Variants in SPAG17 observed in about 807,000 individuals in gnomAD.
The protein encoded by SPAG17 is sperm associated antigen 17, also known as sperm-associated antigen 17.
SPAG17 carries 169 observed loss-of-function variants against 273.6 expected under a neutral mutation model. The ratio of observed to expected loss-of-function variants is 0.62; its 90% CI spans 0.55 to 0.70. The LOEUF (loss-of-function observed/expected upper bound fraction) is 0.70. SPAG17 is among the 30% of genes least tolerant of loss of function. SPAG17 has a pLI of 0.00. For missense variants in SPAG17, 2,557 were observed against 2,627.8 expected, an observed-to-expected ratio of 0.97 and a Z score of 0.59; for synonymous variants, 825 against 873.2, an observed-to-expected ratio of 0.94 and a Z score of 0.97.
At chr1:117,969,579 A>AAAAT (rs893749892) in intron 46 of SPAG17, among the ~76,000 whole-genome samples, 15 of 151,926 alleles carry the variant, frequency 9.9e-5, no homozygotes, top group Middle Eastern at 3.2e-3. Context: ...GCTCTGTCTC[A>AAAAT]AAATAAATAA....
At chr1:118,021,290 A>C (rs1660472335) in intron 28 of SPAG17, among the ~76,000 whole-genome samples, 1 of 152,212 alleles carries the variant, frequency 6.6e-6, no homozygotes, top group Non-Finnish European at 1.5e-5. Flanking sequence ...TAAGTGAAAG[A>C]ACCTGGTCTA....
intron 22 of SPAG17, among the ~76,000 whole-genome samples, chr1:118,040,411 C>T (rs1313641313): frequency 6.6e-6 from 1 of 152,076 alleles, no homozygotes; most frequent in Non-Finnish European, 1.5e-5. Context: ...ACAAGGTGTG[C>T]TGTAATGAAT....
At chr1:118,016,249 C>G in intron 28 of SPAG17, 67 bp from the exon 29 acceptor site, 6 of 1,294,644 alleles carry the variant, frequency 4.6e-6, no homozygotes, top group Non-Finnish European at 6.6e-6. Flanking sequence ...ACATCATTCA[C>G]TATGTTTTGA....
intron 43 of SPAG17, among the ~76,000 whole-genome samples, chr1:117,973,797 T>A (rs372722339): frequency 1.3e-5 from 2 of 152,172 alleles, no homozygotes; most frequent in Non-Finnish European, 2.9e-5. Context: ...TAGTATGCGA[T>A]AGGACATTTT....
intron 32 of SPAG17, among the ~76,000 whole-genome samples, chr1:118,001,109 T>C (rs1372123129): frequency 6.6e-6 from 1 of 152,224 alleles, no homozygotes; most frequent in Non-Finnish European, 1.5e-5. Flanking sequence ...GTTCTGTTTA[T>C]GTGATGGATT....
chr1:118,053,880 GA>G (rs1651348728), intron 20 of SPAG17, 121 bp downstream of exon 20: 2 of 632,818 alleles, frequency 3.2e-6, no homozygotes, highest in Non-Finnish European at 5.5e-6. Flanking sequence ...CAGCTTCCAG[GA>G]AGCCATCTTC....
intron 9 of SPAG17, 26 bp from the exon 10 acceptor site, chr1:118,091,744 C>G (rs1174982922): frequency 6.8e-7 from 1 of 1,467,064 alleles, no homozygotes; most frequent in African/African-American, 1.4e-5. Flanking sequence ...AATACCATTG[C>G]CCAATTAAGT....
Position 118,086,734 on chromosome 1 carries a change from C to A in SPAG17, c.1548G>T (p.Val516=), listed in dbSNP as rs1655024413. 1 of 1,614,014 alleles carries A rather than the reference C, an allele frequency of 6.2e-7. No individual in the cohort carries two copies. The highest frequency in any genetic ancestry group is 8.5e-7 in the Non-Finnish European group (1 of 1,180,018). The change falls in exon 12 of 49, where the codon GTG becomes GTT. Residue 516 remains valine (V), a synonymous_variant. Coordinates refer to ENST00000336338, the MANE Select transcript of SPAG17 (RefSeq NM_206996.4). ...AGTTCAGTAGGAGGGGGCCTTTGGG[C>A]ACTGCTTTGCTTTCATTTTCTTCTT... The part of the protein sequence containing the change: ...LSEEENESKA[V]PKGPLLLNYH...
intron 4 of SPAG17, 109 bp downstream of exon 4, chr1:118,115,201 G>A (rs1657000993): frequency 7.6e-7 from 1 of 1,321,078 alleles, no homozygotes; most frequent in Non-Finnish European, 1.1e-6. Flanking sequence ...AATTTGCCAG[G>A]TAACACTTAA....
chr1:118,039,903 G>C (rs1023482620), intron 22 of SPAG17, among the ~76,000 whole-genome samples: 12 of 152,072 alleles, frequency 7.9e-5, no homozygotes, highest in Non-Finnish European at 1.3e-4. Context: ...ATGAATGGCA[G>C]GTAGACCAAG....
At chr1:118,121,327 G>C (rs1211848453) in intron 3 of SPAG17, among the ~76,000 whole-genome samples, 1 of 152,128 alleles carries the variant, frequency 6.6e-6, no homozygotes, top group Admixed American at 6.5e-5. Flanking sequence ...CTATCTATGC[G>C]TGCCTGTATA....
chr1:118,183,362 T>A (rs1001563085), intron 1 of SPAG17, among the ~76,000 whole-genome samples: 1 of 152,180 alleles, frequency 6.6e-6, no homozygotes, highest in Admixed American at 6.5e-5. Context: ...AGGGCACGCC[T>A]CTGGGCATTG....
chr1:118,093,538 G>A (rs1482166144), intron 7 of SPAG17, among the ~76,000 whole-genome samples: 1 of 152,088 alleles, frequency 6.6e-6, no homozygotes, highest in African/African-American at 2.4e-5. Context: ...TTCCTTTGGA[G>A]GGCCGTATGG....
chr1:118,161,962 A>G (rs551774004), intron 1 of SPAG17, among the ~76,000 whole-genome samples: 7 of 152,334 alleles, frequency 4.6e-5, no homozygotes, highest in Non-Finnish European at 1.0e-4. Flanking sequence ...TGCTGACCTT[A>G]GCAAGAGCAG....
chr1:117,955,674 G>A (rs75437383), intron 48 of SPAG17, among the ~76,000 whole-genome samples: 2,881 of 151,460 alleles, frequency 0.019, 79 homozygotes, highest in South Asian at 0.12. Context: ...TCTTTTCTAT[G>A]TACATACACA....
At chr1:118,150,473 C>A (rs1021559947) in intron 3 of SPAG17, 70 bp downstream of exon 3, 6 of 776,356 alleles carry the variant, frequency 7.7e-6, no homozygotes, top group Non-Finnish European at 1.2e-5. Flanking sequence ...TTAAAAATGG[C>A]TATCAAATTA....
intron 7 of SPAG17, among the ~76,000 whole-genome samples, chr1:118,094,222 T>C (rs1655569072): frequency 6.6e-6 from 1 of 152,218 alleles, no homozygotes; most frequent in Non-Finnish European, 1.5e-5. Context: ...GCCCAAATTC[T>C]GGCATAGAAA....
intron 22 of SPAG17, among the ~76,000 whole-genome samples, chr1:118,039,854 G>GA (rs1276643322): frequency 1.3e-5 from 2 of 152,098 alleles, no homozygotes; most frequent in African/African-American, 4.8e-5. Flanking sequence ...CTCTATAAAA[G>GA]AATGCCTAAG....
intron 3 of SPAG17, among the ~76,000 whole-genome samples, chr1:118,122,137 A>C (rs1169072609): frequency 7.1e-6 from 1 of 140,194 alleles, no homozygotes; most frequent in Non-Finnish European, 1.5e-5. Flanking sequence ...TATTGCCCCA[A>C]TGTGTGTCTG....
Sources: allele counts gnomAD v4.1 joint callset (sites outside exome capture counted in the v4.1 genomes callset), GRCh38; gene constraint gnomAD v4.1.1; transcripts MANE v1.5; gene names NCBI Gene and HGNC (gene_info 2026-07-23, HGNC 2026-07-21).